Variants in KCNB2 observed in about 807,000 individuals in gnomAD.
The protein encoded by KCNB2 is potassium voltage-gated channel subfamily B member 2.
A neutral mutation model predicts 61.5 loss-of-function variants in KCNB2; 15 were observed. The ratio of observed to expected loss-of-function variants is 0.24; its 90% CI spans 0.16 to 0.38. KCNB2 has a LOEUF of 0.38. Among genes scored for constraint, KCNB2 ranks in the 10% least tolerant of loss-of-function variants. The probability of loss-of-function intolerance (pLI) is 1.00; values close to 1 mark genes in which losing one functional copy is unlikely to be tolerated. For missense variants in KCNB2, 828 were observed against 1,125.2 expected, an observed-to-expected ratio of 0.74 and a Z score of 3.78; for synonymous variants, 457 against 446.0, an observed-to-expected ratio of 1.02 and a Z score of -0.31.
intron 2 of KCNB2, among the ~76,000 whole-genome samples, chr8:72,658,305 T>C (rs373169099): frequency 6.6e-6 from 1 of 152,324 alleles, no homozygotes; most frequent in African/African-American, 2.4e-5. Flanking sequence ...TTTAGTGGTC[T>C]GGACAGAAGA....
At chr8:72,572,448 G>C (rs1806725038) in intron 2 of KCNB2, among the ~76,000 whole-genome samples, 1 of 152,082 alleles carries the variant, frequency 6.6e-6, no homozygotes, top group South Asian at 2.1e-4. Context: ...CAGGTCAAGT[G>C]GGGCATGGTT....
intron 2 of KCNB2, among the ~76,000 whole-genome samples, chr8:72,613,957 C>T (rs912653334): frequency 4.6e-5 from 7 of 152,196 alleles, no homozygotes; most frequent in African/African-American, 9.6e-5. Context: ...CACACTGTTG[C>T]TGAGATAATG....
intron 2 of KCNB2, among the ~76,000 whole-genome samples, chr8:72,841,356 C>CT (rs1809880578): frequency 1.0e-5 from 1 of 99,788 alleles, no homozygotes; most frequent in African/African-American, 4.5e-5. Flanking sequence ...ACTTTGTTTT[C>CT]TTTTCTTTTT....
At chr8:72,769,580 G>A (rs1283180655) in intron 2 of KCNB2, among the ~76,000 whole-genome samples, 2 of 152,188 alleles carry the variant, frequency 1.3e-5, no homozygotes, top group African/African-American at 4.8e-5. Flanking sequence ...TGGAATGGAG[G>A]GAAGCGACCC....
chr8:72,612,989 T>G (rs1805564205), intron 2 of KCNB2, among the ~76,000 whole-genome samples: 1 of 152,216 alleles, frequency 6.6e-6, no homozygotes, highest in Admixed American at 6.5e-5. Context: ...TAGCATTATT[T>G]TATTTACATA....
At chr8:72,567,344 T>C (rs138421986) in intron 1 of KCNB2, among the ~76,000 whole-genome samples, 34 of 152,226 alleles carry the variant, frequency 2.2e-4, no homozygotes, top group African/African-American at 7.0e-4. Context: ...ATGGATCTTT[T>C]AGTCTGCAGC....
At chr8:72,582,915 C>T (rs1025484036) in intron 2 of KCNB2, among the ~76,000 whole-genome samples, 5 of 151,958 alleles carry the variant, frequency 3.3e-5, no homozygotes, top group South Asian at 2.1e-4. Flanking sequence ...CCACCATGCC[C>T]GGCTTTGAAA....
At chr8:72,676,355 G>A (rs758458928) in intron 2 of KCNB2, among the ~76,000 whole-genome samples, 16 of 151,700 alleles carry the variant, frequency 1.1e-4, no homozygotes, top group Non-Finnish European at 1.6e-4. Flanking sequence ...TAAAATCCAC[G>A]TGCAGTATTT....
chr8:72,693,995 A>G (rs1284937470), intron 2 of KCNB2, among the ~76,000 whole-genome samples: 2 of 152,212 alleles, frequency 1.3e-5, no homozygotes, highest in Non-Finnish European at 1.5e-5. Context: ...TGTTTATCTT[A>G]AGGACCAAAT....
intron 2 of KCNB2, among the ~76,000 whole-genome samples, chr8:72,783,898 C>T (rs1479049383): frequency 6.6e-6 from 1 of 152,078 alleles, no homozygotes; most frequent in Non-Finnish European, 1.5e-5. Flanking sequence ...CTTTTCTTTA[C>T]CTGAAAGGCT....
chr8:72,652,419 C>A (rs1347555071), intron 2 of KCNB2, among the ~76,000 whole-genome samples: 1 of 151,998 alleles, frequency 6.6e-6, no homozygotes, highest in Non-Finnish European at 1.5e-5. Context: ...CTCTCTTGCC[C>A]TCCTGCCACA....
chr8:72,791,941 TA>T (rs1808950955), intron 2 of KCNB2, among the ~76,000 whole-genome samples: 1 of 152,232 alleles, frequency 6.6e-6, no homozygotes, highest in South Asian at 2.1e-4. Flanking sequence ...GTACTTATTA[TA>T]TGCCAGGCAC....
intron 2 of KCNB2, among the ~76,000 whole-genome samples, chr8:72,856,233 A>G (rs754628807): frequency 2.0e-5 from 3 of 152,170 alleles, no homozygotes; most frequent in Non-Finnish European, 4.4e-5. Context: ...TAGCCAACAT[A>G]TCATTTCAAC....
chr8:72,733,837 G>T (rs1807792584), intron 2 of KCNB2, among the ~76,000 whole-genome samples: 1 of 152,096 alleles, frequency 6.6e-6, no homozygotes, highest in Admixed American at 6.6e-5. Flanking sequence ...TGAATTCTTG[G>T]AGGTGGGAAG....
intron 2 of KCNB2, among the ~76,000 whole-genome samples, chr8:72,919,807 G>C (rs1307743796): frequency 6.6e-6 from 1 of 152,170 alleles, no homozygotes; most frequent in African/African-American, 2.4e-5. Context: ...ATTTTTATCT[G>C]TAGACTAAAT....
At chr8:72,759,942 C>A (rs1351534770) in intron 2 of KCNB2, among the ~76,000 whole-genome samples, 1 of 152,142 alleles carries the variant, frequency 6.6e-6, no homozygotes, top group African/African-American at 2.4e-5. Flanking sequence ...GTGTCACTGG[C>A]AGAAGCAAGG....
At position 72,938,092 on chromosome 8, in the gene KCNB2, C is replaced by T. The variant is rs781221066; in HGVS notation, c.*1C>T. 3.2e-6 allele frequency: 5 copies of T among 1,579,690 alleles called. No individual in the cohort carries two copies. Among genetic ancestry groups the T allele is most frequent in the Non-Finnish European group, 4.3e-6 (5 of 1,162,626 alleles). On this transcript the variant is annotated 3_prime_UTR_variant, in exon 3 of 3. Transcript: ENST00000523207. ...TCCCACACGTGAAACCAGCATGTGA[C>T]TAGTTACAAAAGCAATAAATTGAAA... is the stretch of plus-strand genomic sequence containing the variant.
chr8:72,659,205 A>C (rs549671487), intron 2 of KCNB2, among the ~76,000 whole-genome samples: 10 of 152,222 alleles, frequency 6.6e-5, no homozygotes, highest in Non-Finnish European at 1.5e-4. Context: ...TCAAAATATC[A>C]ACATTAACAG....
intron 2 of KCNB2, among the ~76,000 whole-genome samples, chr8:72,710,676 A>C (rs1048479757): frequency 6.6e-6 from 1 of 152,220 alleles, no homozygotes; most frequent in African/African-American, 2.4e-5. Context: ...AGGACTCTTC[A>C]GTATGGCCAG....
Sources: gnomAD v4.1 joint callset for allele counts (sites outside exome capture counted in the v4.1 genomes callset) on GRCh38, gnomAD v4.1.1 for gene constraint, MANE v1.5 for transcripts, NCBI Gene and HGNC (gene_info 2026-07-23, HGNC 2026-07-21) for gene names.